Variants in PHF3 observed in about 807,000 individuals in gnomAD.
PHF3 encodes the protein PHD finger protein 3.
PHF3 carries 41 observed loss-of-function variants against 178.4 expected under a neutral mutation model. That is an observed-to-expected ratio of 0.23 (90% CI 0.18 to 0.30). PHF3 has a LOEUF of 0.30. PHF3 is among the 10% of genes least tolerant of loss of function. The pLI is 1.00. For synonymous variants in PHF3, 842 were observed against 800.5 expected (o/e 1.05, Z -0.88); for missense variants, 2,346 against 2,398.1 (o/e 0.98, Z 0.45).
At chr6:63,696,777 A>T (rs1767246151) in intron 6 of PHF3, among the ~76,000 whole-genome samples, 1 of 152,158 alleles carries the variant, frequency 6.6e-6, no homozygotes, top group Non-Finnish European at 1.5e-5. Context: ...ATTTAGTAAG[A>T]TTAACACAAG....
chr6:63,655,052 C>T (rs1456456965), intron 2 of PHF3, among the ~76,000 whole-genome samples: 1 of 151,744 alleles, frequency 6.6e-6, no homozygotes, highest in African/African-American at 2.4e-5. Context: ...TGCTGCCACG[C>T]CCTGCTAATT....
At position 63,715,066 on chromosome 6, in the gene PHF3, ATAAT is replaced by A. The variant is rs1379469889; in HGVS notation, c.*1360_*1363del. ...CCTGTATTAATGAAGAAAAATATAA[ATAAT>A]TCCACAAAATTGATTGTTTTCCTAA... On this transcript the variant is annotated 3_prime_UTR_variant, in exon 16 of 16. Coordinates refer to ENST00000262043, the MANE Select transcript of PHF3 (RefSeq NM_001370348.2). The A allele has an allele frequency of 6.6e-6, 1 of 152,150 alleles. No homozygotes were observed. The highest frequency in any genetic ancestry group is 1.5e-5 in the Non-Finnish European group (1 of 68,000). The allele number at this position is 152,150 out of a possible 1,614,324, so 9.4% of individuals were successfully genotyped here.
At chr6:63,675,358 T>G (rs964204143) in intron 2 of PHF3, among the ~76,000 whole-genome samples, 1 of 152,232 alleles carries the variant, frequency 6.6e-6, no homozygotes, top group Non-Finnish European at 1.5e-5. Flanking sequence ...CAAACTCAGC[T>G]TAACTACTTC....
chr6:63,674,051 A>G (rs1766042909), intron 2 of PHF3, among the ~76,000 whole-genome samples: 1 of 152,072 alleles, frequency 6.6e-6, no homozygotes. Flanking sequence ...AAAGTACTTA[A>G]GAATTAATAG....
intron 2 of PHF3, among the ~76,000 whole-genome samples, chr6:63,676,268 C>T (rs946726987): frequency 6.6e-5 from 10 of 152,138 alleles, no homozygotes; most frequent in Non-Finnish European, 2.9e-5. Context: ...GATTCAGCCA[C>T]AAATAGGAGA....
intron 2 of PHF3, among the ~76,000 whole-genome samples, chr6:63,656,329 T>G (rs1765232333): frequency 1.3e-5 from 2 of 152,240 alleles, no homozygotes; most frequent in African/African-American, 4.8e-5. Flanking sequence ...AATCTTGTCT[T>G]CATTACTGTA....
Position 63,685,318 on chromosome 6 carries a change from T to C in PHF3, c.1596T>C (p.Thr532=). ...KVNVKSVKRN[T]DVPESQQNFH... ...ATGTCAAAAGTGTGAAACGAAATAC[T>C]GATGTACCAGAATCTCAGCAAAATT... Residue 532 remains threonine, a synonymous_variant, in exon 4 of 16, where the codon ACT becomes ACC. Coordinates refer to ENST00000262043, the MANE Select transcript of PHF3 (RefSeq NM_001370348.2). The C allele has an allele frequency of 1.9e-6, 3 of 1,613,988 alleles. No individual in the cohort carries two copies. The highest frequency in any genetic ancestry group is 2.5e-6 in the Non-Finnish European group (3 of 1,179,974).
At chr6:63,655,313 G>GT (rs1411677147) in intron 2 of PHF3, among the ~76,000 whole-genome samples, 2 of 152,054 alleles carry the variant, frequency 1.3e-5, no homozygotes, top group Non-Finnish European at 2.9e-5. Flanking sequence ...CTGACTTCAG[G>GT]TGATCCACCT....
At chr6:63,636,195 C>T (rs949025946) in intron 1 of PHF3, 45 bp downstream of exon 1, 6 of 370,536 alleles carry the variant, frequency 1.6e-5, no homozygotes, top group South Asian at 1.5e-4. Context: ...GGCAATCCTC[C>T]CCTCCCCCAT....
At chr6:63,700,537 C>A in intron 9 of PHF3, 71 bp downstream of exon 9, 3 of 821,684 alleles carry the variant, frequency 3.7e-6, no homozygotes, top group Non-Finnish European at 6.2e-6. Context: ...AAAAATTATA[C>A]AGAGGTAAAT....
In PHF3 at chr6:63,718,592, C is replaced by T. The variant is rs1212083661; in HGVS notation, c.*4884C>T. 6.6e-6 allele frequency among the ~76,000 whole-genome samples: 1 copy of T among 151,880 alleles called. No individual in the cohort carries two copies. Among genetic ancestry groups the T allele is most frequent in the Non-Finnish European group, 1.5e-5 (1 of 67,914 alleles). The stretch of plus-strand genomic sequence containing the variant: ...TGGATTCTCTTACCTGCCCTGCATT[C>T]AGTGTTTTGTAGTATGTCATTTTAT... On this transcript the variant is annotated 3_prime_UTR_variant, in exon 16 of 16. Coordinates refer to ENST00000262043, the MANE Select transcript of PHF3 (RefSeq NM_001370348.2).
At chr6:63,646,856 TCAG>T (rs1764809730) in intron 2 of PHF3, 61 bp downstream of exon 2, 1 of 1,201,220 alleles carries the variant, frequency 8.3e-7, no homozygotes. Flanking sequence ...AAAAAAATTT[TCAG>T]CAGCTTTTTC....
chr6:63,707,037 A>C (rs956230842), intron 13 of PHF3, among the ~76,000 whole-genome samples, 161 bp downstream of exon 13: 7 of 152,258 alleles, frequency 4.6e-5, no homozygotes, highest in African/African-American at 1.7e-4. Flanking sequence ...ATGGATCTTT[A>C]GAATTGTAAA....
Position 63,714,794 on chromosome 6 carries a change from A to G in PHF3, c.*1086A>G, listed in dbSNP as rs1768128335. 1 of 152,132 alleles carries G rather than the reference A, an allele frequency of 6.6e-6. No homozygotes were observed. Among genetic ancestry groups the G allele is most frequent in the Admixed American group, 6.6e-5 (1 of 15,246 alleles). The allele number at this position is 152,132 out of a possible 1,614,324, so 9.4% of individuals were successfully genotyped here. The stretch of plus-strand genomic sequence containing the variant: ...TTAAAGACCGCAGAACTTGAAGAGA[A>G]ATATGTTTTGAATCCTTTTATAAAA... On this transcript the variant is annotated 3_prime_UTR_variant, in exon 16 of 16. Transcript: ENST00000262043.
intron 1 of PHF3, among the ~76,000 whole-genome samples, chr6:63,642,653 A>G (rs1212205745): frequency 2.0e-5 from 3 of 152,196 alleles, no homozygotes; most frequent in African/African-American, 7.2e-5. Context: ...CAGCCATTTA[A>G]AATACACCCT....
intron 10 of PHF3, among the ~76,000 whole-genome samples, 169 bp from the exon 11 acceptor site, chr6:63,703,367 C>A (rs529594695): frequency 6.6e-6 from 1 of 151,912 alleles, no homozygotes; most frequent in African/African-American, 2.4e-5. Context: ...TAAAAGCTAG[C>A]ATTCATTTTC....
Position 63,724,637 on chromosome 6 carries a change from ATTTC to A in PHF3, c.*10933_*10936del, listed in dbSNP as rs902957724. Among the ~76,000 whole-genome samples, 5 of 152,100 alleles carry A rather than the reference ATTTC, an allele frequency of 3.3e-5. No individual in the cohort carries two copies. The highest frequency in any genetic ancestry group is 1.2e-4 in the African/African-American group (5 of 41,440). On this transcript the variant is annotated 3_prime_UTR_variant, in exon 16 of 16. Transcript: ENST00000262043. The stretch of plus-strand genomic sequence containing the variant: ...ATAGATGAAAAGGGACCAGAGTCTT[ATTTC>A]TTTAAAATATCTTTCAAAAATCAGA...
rs1768248403 is a variant in PHF3 at position 63,718,243 on chromosome 6, A to G, written c.*4535A>G. Among the ~76,000 whole-genome samples the G allele has an allele frequency of 6.6e-6, 1 of 152,010 alleles. No homozygotes were observed. The highest frequency in any genetic ancestry group is 2.4e-5 in the African/African-American group (1 of 41,446). On this transcript the variant is annotated 3_prime_UTR_variant, in exon 16 of 16. Transcript: ENST00000262043. Reference sequence around the variant, plus strand: ...TGATGAGCAAAATGGGAAAGTTCCAATTTTGTGGAGATTACAGGTAGAAAA... The same window carrying G: ...TGATGAGCAAAATGGGAAAGTTCCAGTTTTGTGGAGATTACAGGTAGAAAA...
At chr6:63,706,500 T>C (rs887044089) in intron 12 of PHF3, among the ~76,000 whole-genome samples, 1 of 152,174 alleles carries the variant, frequency 6.6e-6, no homozygotes, top group Admixed American at 6.5e-5. Context: ...AGACGAAATG[T>C]TTGCACTTTT....
Sources: gnomAD v4.1 joint callset for allele counts (sites outside exome capture counted in the v4.1 genomes callset) on GRCh38, gnomAD v4.1.1 for gene constraint, MANE v1.5 for transcripts, NCBI Gene and HGNC (gene_info 2026-07-23, HGNC 2026-07-21) for gene names.